The following AMBRA1 variants were observed in gnomAD, a reference collection of about 807,000 sequenced individuals.
AMBRA1 encodes activating molecule in BECN1-regulated autophagy protein 1.
In AMBRA1, 47 loss-of-function variants were observed where a neutral mutation model predicts 125.4. The ratio of observed to expected loss-of-function variants is 0.37; its 90% confidence interval spans 0.30 to 0.48. The LOEUF is 0.48. Ranked by LOEUF, AMBRA1 falls within the 20% of genes least tolerant of loss-of-function variation. The pLI is 0.99. For missense variants in AMBRA1, 1,331 were observed against 1,693.4 expected, an observed-to-expected ratio of 0.79 and a Z score of 3.76; for synonymous variants, 626 against 655.5, an observed-to-expected ratio of 0.95 and a Z score of 0.69.
chr11:46,543,607 C>A (rs893431342), intron 6 of AMBRA1, among the ~76,000 whole-genome samples: 1 of 152,188 alleles, frequency 6.6e-6, no homozygotes, highest in Admixed American at 6.5e-5. Context: ...CAATTAGCAG[C>A]ATATCTGAAT....
At position 46,434,956 on chromosome 11, in the gene AMBRA1, G is replaced by T; in HGVS notation, c.2714C>A (p.Ala905Glu). 2 of 1,613,912 alleles carry T rather than the reference G, an allele frequency of 1.2e-6. No homozygotes were observed. Among genetic ancestry groups the T allele is most frequent in the Non-Finnish European group, 1.7e-6 (2 of 1,179,932 alleles). Residue 905 changes from alanine to glutamate, a missense_variant, in exon 13 of 18, where the codon GCA becomes GAA. This residue lies in a region of AMBRA1 where 354 missense variants were observed against 532.7 expected (regional missense o/e 0.66). Coordinates refer to ENST00000683756, the MANE Select transcript of AMBRA1 (RefSeq NM_001387011.1). ...CDISADGQLL[A>E]AFIPSSQRGF... Reference sequence around the variant, plus strand: ...CCTCTGGCTGCTGGGGATGAAAGCTGCCAGGAGCTGGCCATCTGCAGAAAT... The same window carrying T: ...CCTCTGGCTGCTGGGGATGAAAGCTTCCAGGAGCTGGCCATCTGCAGAAAT...
At chr11:46,465,299 T>G (rs905254505) in intron 11 of AMBRA1, among the ~76,000 whole-genome samples, 2 of 152,156 alleles carry the variant, frequency 1.3e-5, no homozygotes, top group Admixed American at 1.3e-4. Flanking sequence ...TGTGGCCTTG[T>G]GTTGTGTGGC....
At chr11:46,522,452 C>CT (rs918173900) in intron 7 of AMBRA1, among the ~76,000 whole-genome samples, 18 of 151,534 alleles carry the variant, frequency 1.2e-4, no homozygotes, top group East Asian at 9.7e-4. Context: ...AGACCACAGA[C>CT]TTTTTTTTTA....
chr11:46,417,770 G>T, intron 15 of AMBRA1, 143 bp downstream of exon 15: 1 of 931,834 alleles, frequency 1.1e-6, no homozygotes, highest in Non-Finnish European at 1.5e-6. Flanking sequence ...TGGGAAGAGG[G>T]CCCTTTAAGG....
At chr11:46,568,910 G>A (rs971765325) in intron 1 of AMBRA1, among the ~76,000 whole-genome samples, 3 of 141,834 alleles carry the variant, frequency 2.1e-5, no homozygotes, top group Non-Finnish European at 3.0e-5. Context: ...AGGTTCAATC[G>A]ATTCTCCTGC....
At chr11:46,475,358 T>C (rs916179357) in intron 11 of AMBRA1, among the ~76,000 whole-genome samples, 2 of 152,196 alleles carry the variant, frequency 1.3e-5, no homozygotes, top group African/African-American at 4.8e-5. Context: ...GACAAAATAT[T>C]CAACAGTTTA....
intron 1 of AMBRA1, among the ~76,000 whole-genome samples, chr11:46,578,059 C>T (rs1419425934): frequency 6.6e-6 from 1 of 151,988 alleles, no homozygotes; most frequent in East Asian, 1.9e-4. Flanking sequence ...GAGTTCAAGG[C>T]TACAGTGAAC....
chr11:46,554,920 C>G (rs2043119009), intron 1 of AMBRA1, among the ~76,000 whole-genome samples: 1 of 152,096 alleles, frequency 6.6e-6, no homozygotes, highest in African/African-American at 2.4e-5. Flanking sequence ...AAGCAAAAGA[C>G]ATGGCTAGGA....
chr11:46,420,108 A>T (rs1167120210), intron 14 of AMBRA1, among the ~76,000 whole-genome samples: 1 of 152,014 alleles, frequency 6.6e-6, no homozygotes, highest in Non-Finnish European at 1.5e-5. Flanking sequence ...CCTGAGGTCA[A>T]ATGGGCCTTT....
chr11:46,555,289 TAG>T (rs1331743320), intron 1 of AMBRA1, among the ~76,000 whole-genome samples: 1 of 152,200 alleles, frequency 6.6e-6, no homozygotes, highest in East Asian at 1.9e-4. Context: ...CAGTGGGAAT[TAG>T]AAGTTAGATT....
intron 1 of AMBRA1, among the ~76,000 whole-genome samples, chr11:46,580,796 T>C (rs573446043): frequency 1.1e-4 from 17 of 152,158 alleles, no homozygotes; most frequent in African/African-American, 3.9e-4. Context: ...GTTGCTGTTG[T>C]TATTGTTGTT....
At chr11:46,476,875 G>A (rs1295390913) in intron 11 of AMBRA1, among the ~76,000 whole-genome samples, 2 of 152,170 alleles carry the variant, frequency 1.3e-5, no homozygotes, top group Non-Finnish European at 2.9e-5. Flanking sequence ...CACTTTGGGA[G>A]GCCAAGGTGG....
intron 1 of AMBRA1, among the ~76,000 whole-genome samples, chr11:46,556,699 T>A (rs2043165847): frequency 6.6e-6 from 1 of 152,236 alleles, no homozygotes; most frequent in Non-Finnish European, 1.5e-5. Flanking sequence ...TTAACCTGAC[T>A]GTACCTTAGT....
At chr11:46,550,833 T>C (rs1347231755) in intron 1 of AMBRA1, among the ~76,000 whole-genome samples, 1 of 150,320 alleles carries the variant, frequency 6.7e-6, no homozygotes, top group Non-Finnish European at 1.5e-5. Flanking sequence ...ACGCCTGTAA[T>C]CCCAGCACTT....
chr11:46,515,455 AGAGT>A (rs1951437591), intron 7 of AMBRA1, among the ~76,000 whole-genome samples: 2 of 151,938 alleles, frequency 1.3e-5, no homozygotes, highest in Admixed American at 6.6e-5. Flanking sequence ...ACTGGGTGAC[AGAGT>A]GAGACTGCAT....
intron 11 of AMBRA1, among the ~76,000 whole-genome samples, chr11:46,457,763 G>GT (rs1449301260): frequency 1.3e-5 from 2 of 152,104 alleles, no homozygotes; most frequent in Non-Finnish European, 2.9e-5. Context: ...TGAACCAGGT[G>GT]TGGTGGTGCA....
At chr11:46,591,583 G>A (rs905052529) in intron 1 of AMBRA1, among the ~76,000 whole-genome samples, 2 of 152,130 alleles carry the variant, frequency 1.3e-5, no homozygotes. Context: ...TTAGCCGGGC[G>A]CGGTGGCTCA....
chr11:46,502,274 C>T (rs965664675), intron 9 of AMBRA1, among the ~76,000 whole-genome samples: 3 of 151,980 alleles, frequency 2.0e-5, no homozygotes, highest in Non-Finnish European at 2.9e-5. Flanking sequence ...TGTATAATAC[C>T]ACCACTCAAT....
At chr11:46,562,813 T>G (rs1039219438) in intron 1 of AMBRA1, among the ~76,000 whole-genome samples, 24 of 152,016 alleles carry the variant, frequency 1.6e-4, no homozygotes, top group African/African-American at 5.5e-4. Flanking sequence ...CTTTTTTTTT[T>G]TTTTGAGAAG....
Sources: allele counts gnomAD v4.1 joint callset (sites outside exome capture counted in the v4.1 genomes callset), GRCh38; gene constraint gnomAD v4.1.1; regional missense constraint gnomAD v4.1.1; transcripts MANE v1.5; gene names NCBI Gene and HGNC (gene_info 2026-07-23, HGNC 2026-07-21).